Variants in HSPG2 observed in about 807,000 individuals in gnomAD.
HSPG2 encodes basement membrane-specific heparan sulfate proteoglycan core protein.
In HSPG2, 278 loss-of-function variants were observed where a neutral mutation model predicts 526.6. The ratio of observed to expected loss-of-function variants is 0.53; its 90% CI spans 0.48 to 0.58. The LOEUF is 0.58. Among genes scored for constraint, HSPG2 ranks in the 20% least tolerant of loss-of-function variants. The pLI, the probability that HSPG2 is intolerant of heterozygous loss-of-function variation, is 0.00. For synonymous variants in HSPG2, 2,465 were observed against 2,555.4 expected, an observed-to-expected ratio of 0.96 and a Z score of 1.07; for missense variants, 5,354 against 6,099.5, an observed-to-expected ratio of 0.88 and a Z score of 4.07.
chr1:21,934,846 C>T (rs6672273), intron 1 of HSPG2, among the ~76,000 whole-genome samples: 2 of 151,704 alleles, frequency 1.3e-5, no homozygotes, highest in African/African-American at 4.8e-5. Flanking sequence ...CCGCTCGCCT[C>T]GGCCTCCCAA....
chr1:21,842,788 G>A lies in HSPG2; in HGVS notation c.8892C>T (p.Ser2964=). ...CCTGTACCTGGTGCCGGGCGGGGAG[G>A]CTGCCCCCGCGCTTGTACCACGTGA... ...AQVTWYKRGG[S]LPARHQTHGS... The change falls in exon 67 of 97, where the codon AGC becomes AGT. Residue 2964 remains serine (S), a synonymous_variant. Coordinates refer to ENST00000374695, the MANE Select transcript of HSPG2 (RefSeq NM_005529.7). 6.2e-7 allele frequency: 1 copy of A among 1,613,378 alleles called. No homozygotes were observed. Among genetic ancestry groups the A allele is most frequent in the South Asian group, 1.1e-5 (1 of 91,062 alleles).
chr1:21,880,213 T>G lies in HSPG2; in HGVS notation c.2237A>C (p.Asp746Ala). The G allele has an allele frequency of 1.2e-6, 2 of 1,614,156 alleles. No individual in the cohort carries two copies. The highest frequency in any genetic ancestry group is 1.7e-6 in the Non-Finnish European group (2 of 1,180,044). Reference protein sequence around the residue: ...GYSGLSCESCDAHFTRVPGGP... With the variant: ...GYSGLSCESCAAHFTRVPGGP... ...ACCAGGCACCCGAGTGAAGTGGGCA[T>G]CACAGCTCTCGCAGGACAAGCCAGA... is the stretch of plus-strand genomic sequence containing the variant. The change falls in exon 17 of 97, where the codon GAT becomes GCT. Residue 746 changes from aspartate (D) to alanine (A), a missense_variant. Transcript: ENST00000374695.
rs370916637 is a variant in HSPG2 at position 21,885,490 on chromosome 1, G to A, written c.1079-39C>T. 8.4e-5 allele frequency: 136 copies of A among 1,611,910 alleles called. 2 individuals are homozygous for A. The African/African-American group carries it at 1.4e-3, about 16-fold the overall frequency. ...CAGGTGGTTCCCAATAGCCCACCCC[G>A]TCCATCCTCCCTGGGCATCCCCAGG... On this transcript the variant is annotated intron_variant, in intron 9 of 96. Coordinates refer to ENST00000374695, the MANE Select transcript of HSPG2 (RefSeq NM_005529.7).
intron 9 of HSPG2, among the ~76,000 whole-genome samples, chr1:21,886,403 G>C (rs529652867): frequency 2.6e-5 from 4 of 152,184 alleles, no homozygotes; most frequent in Non-Finnish European, 4.4e-5. Flanking sequence ...GAGTGGGCAG[G>C]GGAAGGAAGG....
At position 21,861,970 on chromosome 1, in the gene HSPG2, T is replaced by G. The variant is rs753065803; in HGVS notation, c.4868+18A>C. 1 of 1,614,220 alleles carries G rather than the reference T, an allele frequency of 6.2e-7. No homozygotes were observed. Among genetic ancestry groups the G allele is most frequent in the Non-Finnish European group, 8.5e-7 (1 of 1,180,022 alleles). ...CCCAGTGGAAGTGTGTCCTTGGGCC[T>G]TGAGCTAGGGTACCCACATGTTCTC... On this transcript the variant is annotated intron_variant, in intron 38 of 96. Transcript: ENST00000374695.
rs1326173512 is a variant in HSPG2 at position 21,831,672 on chromosome 1, G to A, written c.11332C>T (p.Pro3778Ser). 1.2e-6 allele frequency: 2 copies of A among 1,606,398 alleles called. No homozygotes were observed. Among genetic ancestry groups the A allele is most frequent in the Non-Finnish European group, 1.7e-6 (2 of 1,176,108 alleles). The change falls in exon 82 of 97, where the codon CCG becomes TCG. Residue 3778 changes from proline to serine, a missense_variant. Pro to Ser is a moderately conservative substitution (Grantham distance 74). Transcript: ENST00000374695. ...QGSLIVGDLA[P>S]VNGTSQGKFQ... ...CTCACCTGGGAGGTCCCATTGACCG[G>A]GGCCAGGTCACCCACAATCAGGGAG...
In HSPG2 at chr1:21,855,562, C is replaced by A. The variant is rs145474376; in HGVS notation, c.5815G>T (p.Ala1939Ser). 1.9e-6 allele frequency: 3 copies of A among 1,602,100 alleles called. No homozygotes were observed. Among genetic ancestry groups the A allele is most frequent in the East Asian group, 2.2e-5 (1 of 44,522 alleles). Reference protein sequence around the residue: ...AQYLCRAHSSAGQQVARAVLH... With the variant: ...AQYLCRAHSSSGQQVARAVLH... Reference sequence around the variant, plus strand: ...ACAGCCCTGGCCACCTGCTGCCCAGCGCTGCTGTGGGCTCGGCACAAGTAC... The same window carrying A: ...ACAGCCCTGGCCACCTGCTGCCCAGAGCTGCTGTGGGCTCGGCACAAGTAC... Residue 1939 changes from alanine to serine, a missense_variant, in exon 46 of 97, where the codon GCT (alanine) becomes TCT (serine). Ala to Ser is a moderately conservative substitution (Grantham distance 99). Coordinates refer to ENST00000374695, the MANE Select transcript of HSPG2 (RefSeq NM_005529.7).
At chr1:21,846,010 C>A in intron 64 of HSPG2, 98 bp downstream of exon 64, 1 of 1,428,542 alleles carries the variant, frequency 7.0e-7, no homozygotes, top group Non-Finnish European at 9.8e-7. Flanking sequence ...CAGTTCTCGC[C>A]GAGTGCCAGA....
Position 21,937,207 on chromosome 1 carries a change from C to A in HSPG2, c.11G>T (p.Arg4Leu). 1 of 1,074,362 alleles carries A rather than the reference C, an allele frequency of 9.3e-7. No individual in the cohort carries two copies. Among genetic ancestry groups the A allele is most frequent in the Non-Finnish European group, 1.1e-6 (1 of 878,026 alleles). The allele number at this position is 1,074,362 out of a possible 1,614,324, so 66.6% of individuals were successfully genotyped here. The change falls in exon 1 of 97, where the codon CGG (arginine) becomes CTG (leucine). Residue 4 changes from arginine to leucine, a missense_variant. Transcript: ENST00000374695. The part of the protein sequence containing the change: MGW[R>L]AAGALLLALL... ...CGCCAGCAGCAGCGCGCCCGCCGCC[C>A]GCCACCCCATGGCCCGGCCCGCGCC...
rs753091093 is a variant in HSPG2 at position 21,887,603 on chromosome 1, C to G, written c.775G>C (p.Glu259Gln). 19 of 1,613,952 alleles carry G rather than the reference C, an allele frequency of 1.2e-5. No individual in the cohort carries two copies. In the South Asian group the frequency reaches 1.9e-4, roughly 16 times the overall value. ...VETTSLPPRP[E>Q]TTIMRQPPVT... ...GGTGGCTGTCGCATGATGGTTGTCTCTGGCCGGGGCGGTAAAGATGTCGTC... is the reference window on the plus strand; with the variant it reads ...GGTGGCTGTCGCATGATGGTTGTCTGTGGCCGGGGCGGTAAAGATGTCGTC... The change falls in exon 8 of 97, where the codon GAG becomes CAG. Residue 259 changes from glutamate to glutamine, a missense_variant. By Grantham distance (29) the Glu-to-Gln change is conservative (BLOSUM62 2). Transcript: ENST00000374695. This position sits in a 1 kb window ranked among gnomAD's most constrained non-coding sequence, Gnocchi z 5.0.
At chr1:21,917,760 C>G (rs1027354852) in intron 1 of HSPG2, among the ~76,000 whole-genome samples, 1 of 152,174 alleles carries the variant, frequency 6.6e-6, no homozygotes, top group Non-Finnish European at 1.5e-5. Flanking sequence ...TCAAGGCCCA[C>G]TCAATCACCA....
At chr1:21,873,859 C>A in intron 29 of HSPG2, 66 bp downstream of exon 29, 1 of 1,398,718 alleles carries the variant, frequency 7.1e-7, no homozygotes, top group Non-Finnish European at 9.8e-7. Context: ...AGCGCTGGGC[C>A]CTGCCTGAGG....
In HSPG2 at chr1:21,838,844, A is replaced by T. The variant is rs763509219; in HGVS notation, c.10131T>A (p.Phe3377Leu). Residue 3377 changes from phenylalanine to leucine, a missense_variant, in exon 74 of 97, where the codon TTT (phenylalanine) becomes TTA (leucine). Physicochemically the swap from Phe to Leu is conservative, Grantham distance 22 (BLOSUM62 0). Coordinates refer to ENST00000374695, the MANE Select transcript of HSPG2 (RefSeq NM_005529.7). ...VTNKVGSAEA[F>L]AQLLVQGPPG... The stretch of plus-strand genomic sequence containing the variant: ...GCTTACCTTGGACGAGCAGCTGGGC[A>T]AAGGCCTCGGCTGAGCCCACCTTGT... 9 of 1,612,370 alleles carry T rather than the reference A, an allele frequency of 5.6e-6. No homozygotes were observed. Among genetic ancestry groups the T allele is most frequent in the Middle Eastern group, 1.7e-4 (1 of 5,990 alleles).
At chr1:21,912,890 G>A (rs1643746718) in intron 1 of HSPG2, among the ~76,000 whole-genome samples, 1 of 151,700 alleles carries the variant, frequency 6.6e-6, no homozygotes, top group Non-Finnish European at 1.5e-5. Context: ...TGAGGCAGGA[G>A]AATCACTTGA....
chr1:21,862,089 C>G lies in HSPG2; in HGVS notation c.4767G>C (p.Glu1589Asp). Residue 1589 changes from glutamate to aspartate, a missense_variant, in exon 38 of 97, where the codon GAG (glutamate) becomes GAC (aspartate). Transcript: ENST00000374695. ...AGCCAGGGGCACAAAGCTCGCAGAACTCCCCTGCGGCGTTGTGCTGGCATT... is the reference window on the plus strand; with the variant it reads ...AGCCAGGGGCACAAAGCTCGCAGAAGTCCCCTGCGGCGTTGTGCTGGCATT... Reference protein sequence around the residue: ...CSQCQHNAAGEFCELCAPGYY... With the variant: ...CSQCQHNAAGDFCELCAPGYY... The G allele has an allele frequency of 6.2e-7, 1 of 1,613,746 alleles. No homozygotes were observed. Among genetic ancestry groups the G allele is most frequent in the Non-Finnish European group, 8.5e-7 (1 of 1,180,032 alleles).
intron 80 of HSPG2, 94 bp from the exon 81 acceptor site, chr1:21,832,700 C>T (rs939705751): frequency 6.1e-5 from 55 of 904,878 alleles, no homozygotes; most frequent in Non-Finnish European, 9.3e-5. Flanking sequence ...TGAGCCTGTC[C>T]ACTCTCGGAA....
chr1:21,877,983 C>T (rs113830561), intron 21 of HSPG2, among the ~76,000 whole-genome samples: 5 of 152,346 alleles, frequency 3.3e-5, no homozygotes, highest in African/African-American at 1.2e-4. Context: ...ACTGTGGTCA[C>T]CTGACTCCCT....
intron 91 of HSPG2, among the ~76,000 whole-genome samples, chr1:21,825,496 C>T (rs891471069): frequency 1.3e-5 from 2 of 152,150 alleles, no homozygotes; most frequent in African/African-American, 4.8e-5. Context: ...CAGGCTTGGG[C>T]GAGTGACTGG....
intron 1 of HSPG2, among the ~76,000 whole-genome samples, chr1:21,913,610 T>C (rs1643783519): frequency 6.6e-6 from 1 of 152,128 alleles, no homozygotes; most frequent in Admixed American, 6.5e-5. Context: ...AGGGTACCTG[T>C]CATTCTGGGG....
Sources: allele counts gnomAD v4.1 joint callset (sites outside exome capture counted in the v4.1 genomes callset), GRCh38; gene constraint gnomAD v4.1.1; non-coding constraint Gnocchi (gnomAD v3.1); transcripts MANE v1.5; gene names NCBI Gene and HGNC (gene_info 2026-07-23, HGNC 2026-07-21).